Variants in DGKB observed in about 807,000 individuals in gnomAD.
DGKB encodes the protein diacylglycerol kinase beta.
Under a neutral mutation model 114.3 loss-of-function variants are expected in DGKB, and 67 were observed. The observed-to-expected ratio is 0.59, with a 90% CI of 0.48 to 0.72. The LOEUF (loss-of-function observed/expected upper bound fraction) is 0.72. DGKB is among the 30% of genes least tolerant of loss of function. The pLI is 0.00. For synonymous variants in DGKB, 398 were observed against 323.1 expected, an observed-to-expected ratio of 1.23 and a Z score of -2.49; for missense variants, 907 against 975.2, an observed-to-expected ratio of 0.93 and a Z score of 0.93.
chr7:14,854,272 C>T (rs1398085126), intron 1 of DGKB, among the ~76,000 whole-genome samples: 1 of 152,120 alleles, frequency 6.6e-6, no homozygotes. Context: ...ATTCTTTATA[C>T]CTGATTCTCA....
At chr7:14,281,903 A>T (rs1800019605) in intron 23 of DGKB, among the ~76,000 whole-genome samples, 1 of 139,050 alleles carries the variant, frequency 7.2e-6, no homozygotes, top group Non-Finnish European at 1.5e-5. Context: ...CCCACAAGAG[A>T]AAGCAGGAAA....
chr7:14,673,144 A>C, intron 12 of DGKB, 117 bp from the exon 13 acceptor site: 1 of 615,580 alleles, frequency 1.6e-6, no homozygotes, highest in Non-Finnish European at 2.9e-6. Context: ...AAGAAATTAT[A>C]AGAACAAATA....
At chr7:14,634,481 T>TACACAC (rs34758174) in intron 13 of DGKB, among the ~76,000 whole-genome samples, 6,540 of 145,178 alleles carry the variant, frequency 0.045, 175 homozygotes, top group African/African-American at 0.068. Context: ...TACAAAGTGA[T>TACACAC]ACACACACAC....
chr7:14,499,290 T>G (rs1034616758), intron 20 of DGKB, among the ~76,000 whole-genome samples: 2 of 151,720 alleles, frequency 1.3e-5, no homozygotes, highest in Non-Finnish European at 1.5e-5. Context: ...ATATCATTTA[T>G]TATTATTGCT....
At chr7:14,720,623 G>A (rs368783092) in intron 5 of DGKB, among the ~76,000 whole-genome samples, 9 of 152,106 alleles carry the variant, frequency 5.9e-5, no homozygotes, top group East Asian at 3.9e-4. Context: ...GATTACAGGC[G>A]TGAGCCACCA....
chr7:14,682,032 G>T (rs370413066), intron 12 of DGKB, among the ~76,000 whole-genome samples: 1 of 137,800 alleles, frequency 7.3e-6, no homozygotes, highest in African/African-American at 2.9e-5. Flanking sequence ...ATCTAGTCAC[G>T]TGGTCAAGGA....
At chr7:14,376,407 T>C (rs1217490923) in intron 21 of DGKB, among the ~76,000 whole-genome samples, 1 of 152,220 alleles carries the variant, frequency 6.6e-6, no homozygotes, top group Non-Finnish European at 1.5e-5. Flanking sequence ...TCAGAAATTA[T>C]AGAAACAGAT....
chr7:14,725,473 A>G (rs1829879809), intron 5 of DGKB, among the ~76,000 whole-genome samples: 1 of 152,204 alleles, frequency 6.6e-6, no homozygotes. Flanking sequence ...TCACATGAAA[A>G]GAAATTCCAA....
At chr7:14,291,114 C>T (rs912735336) in intron 23 of DGKB, among the ~76,000 whole-genome samples, 5 of 137,204 alleles carry the variant, frequency 3.6e-5, no homozygotes, top group Non-Finnish European at 7.5e-5. Context: ...TGCACTCCAG[C>T]CTATGCAACA....
intron 1 of DGKB, among the ~76,000 whole-genome samples, chr7:14,958,236 G>T (rs1786628245): frequency 6.6e-6 from 1 of 151,974 alleles, no homozygotes; most frequent in South Asian, 2.1e-4. Context: ...AGTTTTCCAG[G>T]ATAGAATGAA....
At position 14,392,991 on chromosome 7, in the gene DGKB, TTTTG is replaced by T. The variant is rs1328887283; in HGVS notation, c.1836-47604_1836-47601del. Among the ~76,000 whole-genome samples the T allele has an allele frequency of 7.7e-4, 24 of 31,020 alleles. 1 individual carries two copies. The highest frequency in any genetic ancestry group is 2.6e-3 in the Admixed American group (11 of 4,230). The allele number at this position is 31,020 out of a possible 152,430, so 20.4% of individuals were successfully genotyped here. On this transcript the variant is annotated intron_variant, in intron 21 of 25. Coordinates refer to ENST00000402815, the MANE Select transcript of DGKB (RefSeq NM_001350709.2). ...GGGCCAAAACAGACCTGTTTTTTGT[TTTTG>T]TTTTTTTTTTTTTGAGACGGAGTCT... is the stretch of plus-strand genomic sequence containing the variant.
intron 1 of DGKB, among the ~76,000 whole-genome samples, chr7:14,928,341 C>G (rs570320770): frequency 6.6e-6 from 1 of 151,986 alleles, no homozygotes; most frequent in Non-Finnish European, 1.5e-5. Context: ...ATTGATTTTA[C>G]TAAAATTTTC....
At chr7:14,844,794 C>T (rs1214869881) in intron 1 of DGKB, among the ~76,000 whole-genome samples, 1 of 152,066 alleles carries the variant, frequency 6.6e-6, no homozygotes, top group African/African-American at 2.4e-5. Context: ...TTCCACCTGC[C>T]TACCTGCTCT....
At position 14,942,108 on chromosome 7, in the gene DGKB, T is replaced by C. The variant is rs546848299; in HGVS notation, c.-188+32588A>G. Reference sequence around the variant, plus strand: ...TCCCTGCTTGTTAGCAGACCTCAGATTAAAAAAACTTTTTTTTTTTAGATT... The same window carrying C: ...TCCCTGCTTGTTAGCAGACCTCAGACTAAAAAAACTTTTTTTTTTTAGATT... On this transcript the variant is annotated intron_variant, in intron 1 of 4. Transcript: ENST00000437998. 1.2e-4 allele frequency among the ~76,000 whole-genome samples: 18 copies of C among 151,618 alleles called. No homozygotes were observed. The South Asian group carries it at 3.3e-3, about 28-fold the overall frequency.
intron 1 of DGKB, among the ~76,000 whole-genome samples, chr7:14,864,075 T>C (rs112337597): frequency 0.02 from 2,846 of 142,734 alleles, 94 homozygotes; most frequent in African/African-American, 0.071. Context: ...CTCTCCAGTC[T>C]GGGCAACGGG....
chr7:14,164,599 A>G (rs1212040740), intron 25 of DGKB, among the ~76,000 whole-genome samples: 2 of 152,198 alleles, frequency 1.3e-5, no homozygotes, highest in South Asian at 2.1e-4. Flanking sequence ...TGAAAGTTAA[A>G]CATTATGATA....
intron 17 of DGKB, among the ~76,000 whole-genome samples, chr7:14,599,583 C>G (rs186118745): frequency 6.6e-6 from 1 of 152,310 alleles, no homozygotes; most frequent in East Asian, 1.9e-4. Flanking sequence ...CCCTCACCAA[C>G]AATGCACACT....
intron 12 of DGKB, among the ~76,000 whole-genome samples, chr7:14,675,974 A>G (rs1819784879): frequency 6.6e-6 from 1 of 152,116 alleles, no homozygotes; most frequent in African/African-American, 2.4e-5. Context: ...TAGTTTATGC[A>G]TCATATTTCT....
chr7:14,902,433 C>T (rs1256234554), intron 1 of DGKB, among the ~76,000 whole-genome samples, 159 bp downstream of exon 1: 2 of 152,182 alleles, frequency 1.3e-5, no homozygotes, highest in African/African-American at 4.8e-5. Flanking sequence ...TATAGCATAA[C>T]TAGGACAGGA....
Sources: gnomAD v4.1 joint callset for allele counts (sites outside exome capture counted in the v4.1 genomes callset) on GRCh38, gnomAD v4.1.1 for gene constraint, MANE v1.5 for transcripts, NCBI Gene and HGNC (gene_info 2026-07-23, HGNC 2026-07-21) for gene names.